SHROOM3: variants seen among roughly 807,000 people sequenced by gnomAD.
The protein encoded by SHROOM3 is protein Shroom3.
Under a neutral mutation model 138.6 loss-of-function variants are expected in SHROOM3, and 47 were observed. The observed-to-expected ratio is 0.34, with a 90% confidence interval of 0.27 to 0.43. SHROOM3 has a LOEUF of 0.43. SHROOM3 is among the 20% of genes least tolerant of loss of function. SHROOM3 has a pLI of 1.00. For missense variants in SHROOM3, 2,491 were observed against 2,596.5 expected, an observed-to-expected ratio of 0.96 and a Z score of 0.88; for synonymous variants, 1,062 against 1,063.3, an observed-to-expected ratio of 1.00 and a Z score of 0.02.
rs117861981 is a variant in SHROOM3, at chr4:76,663,298, G to A, written c.324-46858G>A. On this transcript the variant is annotated intron_variant, in intron 2 of 10. Coordinates refer to ENST00000296043, the MANE Select transcript of SHROOM3 (RefSeq NM_020859.4). ...AGGTGTTAAGATCTTAGGATTTCTC[G>A]GTTGTGTGTTTGAAATCTCACTCAA... is the stretch of plus-strand genomic sequence containing the variant. Among the ~76,000 whole-genome samples, 160 of 152,008 alleles carry A rather than the reference G, an allele frequency of 1.1e-3. 4 individuals are homozygous for A. In the East Asian group the frequency reaches 0.027, roughly 26 times the overall value.
At chr4:76,534,337 C>T (rs1319856319) in intron 1 of SHROOM3, among the ~76,000 whole-genome samples, 4 of 152,166 alleles carry the variant, frequency 2.6e-5, no homozygotes, top group Non-Finnish European at 2.9e-5. Flanking sequence ...TCATTGAAAC[C>T]CCCAAGTCCA....
intron 1 of SHROOM3, among the ~76,000 whole-genome samples, chr4:76,440,607 G>A (rs1730649938): frequency 6.6e-6 from 1 of 152,188 alleles, no homozygotes; most frequent in Admixed American, 6.5e-5. Context: ...GGGGACACCT[G>A]CTGTTCTTGG....
chr4:76,583,477 A>G (rs1274022809), intron 2 of SHROOM3, among the ~76,000 whole-genome samples: 2 of 152,222 alleles, frequency 1.3e-5, no homozygotes, highest in African/African-American at 2.4e-5. Context: ...CATCACCTTC[A>G]GTCCTCACAT....
chr4:76,773,587 G>A (rs1722446377), intron 10 of SHROOM3, among the ~76,000 whole-genome samples: 1 of 152,178 alleles, frequency 6.6e-6, no homozygotes, highest in Non-Finnish European at 1.5e-5. Context: ...AAGGGACAAG[G>A]AGAAGGGAGC....
At chr4:76,661,287 A>G (rs1432976263) in intron 2 of SHROOM3, among the ~76,000 whole-genome samples, 1 of 151,238 alleles carries the variant, frequency 6.6e-6, no homozygotes, top group Non-Finnish European at 1.5e-5. Flanking sequence ...CTGGAGTGCA[A>G]TGGCGCGATC....
intron 1 of SHROOM3, among the ~76,000 whole-genome samples, chr4:76,517,778 A>T (rs944664108): frequency 3.3e-5 from 5 of 152,106 alleles, no homozygotes; most frequent in Non-Finnish European, 5.9e-5. Context: ...GGGTTTTCAG[A>T]TTAGGACTCT....
At chr4:76,675,919 G>C (rs953449974) in intron 2 of SHROOM3, among the ~76,000 whole-genome samples, 6 of 152,160 alleles carry the variant, frequency 3.9e-5, no homozygotes, top group Non-Finnish European at 8.8e-5. Flanking sequence ...GTAGATAGAT[G>C]ATAGCAGAGA....
chr4:76,598,277 C>T (rs72661433), intron 2 of SHROOM3, among the ~76,000 whole-genome samples: 12,436 of 152,026 alleles, frequency 0.082, 561 homozygotes, highest in East Asian at 0.14. Flanking sequence ...CAGCCCACCT[C>T]GGCCTCCGAA....
intron 2 of SHROOM3, among the ~76,000 whole-genome samples, chr4:76,672,692 C>T (rs1485385657): frequency 6.6e-6 from 1 of 152,174 alleles, no homozygotes; most frequent in African/African-American, 2.4e-5. Flanking sequence ...CCTGCCTCAA[C>T]CTCCTGAGTA....
intron 3 of SHROOM3, among the ~76,000 whole-genome samples, chr4:76,717,637 G>C (rs1201453715): frequency 3.3e-5 from 5 of 152,062 alleles, no homozygotes; most frequent in African/African-American, 1.2e-4. Flanking sequence ...CATGTGTGGG[G>C]CAGGGGTATG....
At chr4:76,498,928 G>A (rs1452822685) in intron 1 of SHROOM3, among the ~76,000 whole-genome samples, 2 of 152,132 alleles carry the variant, frequency 1.3e-5, no homozygotes, top group East Asian at 3.9e-4. Context: ...GGATTTGTGC[G>A]ATGGAAACTG....
intron 2 of SHROOM3, among the ~76,000 whole-genome samples, chr4:76,634,073 C>T (rs917643209): frequency 6.6e-6 from 1 of 152,148 alleles, no homozygotes; most frequent in East Asian, 1.9e-4. Context: ...ATATTCTCCC[C>T]TAACACCCAT....
chr4:76,734,821 C>G (rs372993928), intron 4 of SHROOM3, among the ~76,000 whole-genome samples: 6 of 150,358 alleles, frequency 4.0e-5, no homozygotes, highest in African/African-American at 1.2e-4. Context: ...TTTCACATAA[C>G]CAAAGGGATA....
chr4:76,656,269 C>T lies in SHROOM3; in HGVS notation c.324-53887C>T, dbSNP rs755008860. Among the ~76,000 whole-genome samples the T allele has an allele frequency of 4.7e-4, 71 of 152,206 alleles. 2 individuals are homozygous for T. Among genetic ancestry groups the T allele is most frequent in the Non-Finnish European group, 4.9e-4 (33 of 68,036 alleles). ...CCCATAGTATAAGCAGAGTCTTGTA[C>T]TACGGTTCCTCTTAGGAATTACTGC... On this transcript the variant is annotated intron_variant, in intron 2 of 10. Coordinates refer to ENST00000296043, the MANE Select transcript of SHROOM3 (RefSeq NM_020859.4).
At chr4:76,726,574 T>C (rs1418048623) in intron 3 of SHROOM3, among the ~76,000 whole-genome samples, 3 of 141,878 alleles carry the variant, frequency 2.1e-5, no homozygotes, top group African/African-American at 8.0e-5. Flanking sequence ...TTTAAGAGAC[T>C]GTCTCTCTGG....
chr4:76,712,369 G>C (rs1041376536), intron 3 of SHROOM3, among the ~76,000 whole-genome samples: 1 of 152,264 alleles, frequency 6.6e-6, no homozygotes, highest in South Asian at 2.1e-4. Context: ...GGACAGGGAA[G>C]GCAGGAATCA....
intron 1 of SHROOM3, among the ~76,000 whole-genome samples, chr4:76,535,223 G>A (rs1254155755): frequency 6.6e-6 from 1 of 152,134 alleles, no homozygotes; most frequent in African/African-American, 2.4e-5. Context: ...CTAGCACACA[G>A]TAGGTACTGA....
At chr4:76,728,325 C>T (rs1720770553) in intron 3 of SHROOM3, among the ~76,000 whole-genome samples, 1 of 152,180 alleles carries the variant, frequency 6.6e-6, no homozygotes, top group Non-Finnish European at 1.5e-5. Context: ...AAGTCTTTCC[C>T]ATGCTGTTCT....
chr4:76,489,993 A>G (rs1186322576), intron 1 of SHROOM3, among the ~76,000 whole-genome samples: 1 of 152,190 alleles, frequency 6.6e-6, no homozygotes, highest in East Asian at 1.9e-4. Flanking sequence ...AAGGGCCTGG[A>G]TATAGAATCT....
Sources: gnomAD v4.1 joint callset for allele counts (sites outside exome capture counted in the v4.1 genomes callset) on GRCh38, gnomAD v4.1.1 for gene constraint, MANE v1.5 for transcripts, NCBI Gene and HGNC (gene_info 2026-07-23, HGNC 2026-07-21) for gene names.